IL1RAPL2: variants seen among roughly 807,000 people sequenced by gnomAD.
IL1RAPL2 encodes interleukin 1 receptor accessory protein like 2.
In IL1RAPL2, 3 loss-of-function variants were observed where a neutral mutation model predicts 44.1. The ratio of observed to expected loss-of-function variants is 0.07; its 90% confidence interval spans 0.03 to 0.18. IL1RAPL2 has a LOEUF of 0.18. Among genes scored for constraint, IL1RAPL2 ranks in the 10% least tolerant of loss-of-function variants. IL1RAPL2 has a pLI of 1.00. For missense variants in IL1RAPL2, 391 were observed against 496.4 expected (o/e 0.79, Z 2.02); for synonymous variants, 181 against 178.8 (o/e 1.01, Z -0.10).
At chrX:104,711,221 A>G (rs745627183) in intron 2 of IL1RAPL2, among the ~76,000 whole-genome samples, 8 of 111,723 alleles carry the variant, frequency 7.2e-5, no homozygotes, top group Non-Finnish European at 1.5e-4. Flanking sequence ...TATCTGTAGT[A>G]GGCTATAATC....
chrX:104,730,355 T>C (rs1031101999), intron 2 of IL1RAPL2, among the ~76,000 whole-genome samples: 60 of 84,989 alleles, frequency 7.1e-4, no homozygotes, highest in Admixed American at 3.8e-4. Flanking sequence ...GTGTATCTCC[T>C]AATGCTATCC....
intron 5 of IL1RAPL2, among the ~76,000 whole-genome samples, chrX:105,317,356 T>C (rs1338893372): frequency 9.0e-6 from 1 of 111,668 alleles, no homozygotes; most frequent in Admixed American, 9.5e-5. Flanking sequence ...TTGCATGGGG[T>C]TTTCGCTTTT....
chrX:105,283,565 G>A (rs1012501718), intron 5 of IL1RAPL2, among the ~76,000 whole-genome samples: 10 of 111,093 alleles, frequency 9.0e-5, no homozygotes, highest in African/African-American at 1.6e-4. Context: ...TGATTCCTGG[G>A]TTTTTGGTTT....
At chrX:104,892,224 A>G (rs1308554639) in intron 2 of IL1RAPL2, among the ~76,000 whole-genome samples, 2 of 111,610 alleles carry the variant, frequency 1.8e-5, no homozygotes, top group Non-Finnish European at 3.8e-5. Context: ...TTTTTGCATC[A>G]ATGTTCATCA....
chrX:105,723,237 A>G (rs371836884), intron 7 of IL1RAPL2, among the ~76,000 whole-genome samples: 6 of 111,547 alleles, frequency 5.4e-5, no homozygotes, highest in African/African-American at 2.0e-4. Context: ...TTGCCACTTT[A>G]TAACGAGGAT....
intron 2 of IL1RAPL2, among the ~76,000 whole-genome samples, chrX:105,136,395 G>T (rs1295637855): frequency 8.9e-6 from 1 of 111,983 alleles, no homozygotes; most frequent in African/African-American, 3.2e-5. Flanking sequence ...GCGAAAGGAT[G>T]CCATAAATAT....
At chrX:105,648,574 G>A (rs903340184) in intron 6 of IL1RAPL2, among the ~76,000 whole-genome samples, 2 of 111,466 alleles carry the variant, frequency 1.8e-5, no homozygotes, top group African/African-American at 3.3e-5. Flanking sequence ...TTCACAAAGT[G>A]AAGTGCTTTC....
At chrX:105,496,079 C>A (rs1345289329) in intron 6 of IL1RAPL2, among the ~76,000 whole-genome samples, 6 of 112,014 alleles carry the variant, frequency 5.4e-5, no homozygotes, top group Admixed American at 1.9e-4. Context: ...CTCCATAGCC[C>A]CTTATTGCGA....
chrX:105,284,101 A>G (rs761927993), intron 5 of IL1RAPL2, among the ~76,000 whole-genome samples: 3 of 111,846 alleles, frequency 2.7e-5, no homozygotes, highest in Non-Finnish European at 5.6e-5. Flanking sequence ...TATTTATGAT[A>G]TGTGCTGGGT....
At chrX:104,745,205 C>T (rs1217637233) in intron 2 of IL1RAPL2, among the ~76,000 whole-genome samples, 3 of 111,172 alleles carry the variant, frequency 2.7e-5, no homozygotes, top group African/African-American at 9.8e-5. Flanking sequence ...CCTTTACGTG[C>T]TTTATGCTGT....
chrX:105,525,383 T>A (rs1412833919), intron 6 of IL1RAPL2, among the ~76,000 whole-genome samples: 1 of 111,270 alleles, frequency 9.0e-6, no homozygotes, highest in Non-Finnish European at 1.9e-5. Context: ...CCTTTTAGTA[T>A]AAGGCTTTGA....
intron 2 of IL1RAPL2, among the ~76,000 whole-genome samples, chrX:104,803,614 G>A (rs1215370288): frequency 1.8e-5 from 2 of 112,437 alleles, no homozygotes; most frequent in African/African-American, 3.2e-5. Context: ...TGTAAGAAAT[G>A]TTGTTCTCCA....
At chrX:105,395,387 A>C (rs1190317462) in intron 5 of IL1RAPL2, among the ~76,000 whole-genome samples, 3 of 110,541 alleles carry the variant, frequency 2.7e-5, no homozygotes, top group Non-Finnish European at 5.7e-5. Flanking sequence ...ATTAAAAAAA[A>C]AGAAAAGAAG....
In IL1RAPL2 at chrX:105,187,385, TTATAA is replaced by T. The variant is rs782071552; in HGVS notation, c.83-8085_83-8081del. Among the ~76,000 whole-genome samples, 9 of 111,491 alleles carry T rather than the reference TTATAA, an allele frequency of 8.1e-5. No individual in the cohort carries two copies. In the East Asian group the frequency reaches 2.2e-3, roughly 28 times the overall value. ...TCATTAAAAAAATATTTAAATGGCC[TTATAA>T]TATATTCCACCATGTTGGCTTACTT... On this transcript the variant is annotated intron_variant, in intron 2 of 10. Transcript: ENST00000372582.
intron 5 of IL1RAPL2, among the ~76,000 whole-genome samples, chrX:105,465,515 G>C (rs1013136345): frequency 2.0e-4 from 22 of 111,580 alleles, no homozygotes; most frequent in African/African-American, 7.1e-4. Flanking sequence ...AGACAGACTT[G>C]CTTTTACCTT....
chrX:105,514,946 A>G (rs984794343), intron 6 of IL1RAPL2, among the ~76,000 whole-genome samples: 6 of 112,139 alleles, frequency 5.4e-5, no homozygotes, highest in Non-Finnish European at 9.4e-5. Flanking sequence ...GAAAAAAAAC[A>G]ACAAAAAACA....
chrX:104,570,214 CTG>C (rs1928119487), intron 1 of IL1RAPL2, among the ~76,000 whole-genome samples: 1 of 112,209 alleles, frequency 8.9e-6, no homozygotes, highest in South Asian at 3.7e-4. Context: ...CTTTTAATCT[CTG>C]AGAACTGTCC....
chrX:105,313,509 G>C (rs1767736456), intron 5 of IL1RAPL2, among the ~76,000 whole-genome samples: 1 of 111,210 alleles, frequency 9.0e-6, no homozygotes, highest in Admixed American at 9.6e-5. Context: ...GATGCATCTT[G>C]GTAAGAACAT....
chrX:105,220,970 A>AC (rs1556181322), intron 3 of IL1RAPL2, among the ~76,000 whole-genome samples: 1 of 110,540 alleles, frequency 9.0e-6, no homozygotes, highest in African/African-American at 3.3e-5. Flanking sequence ...GCTAGTAGGG[A>AC]CCCCCCTAGA....
Sources: allele counts gnomAD v4.1 joint callset (sites outside exome capture counted in the v4.1 genomes callset), GRCh38; gene constraint gnomAD v4.1.1; transcripts MANE v1.5; gene names NCBI Gene and HGNC (gene_info 2026-07-23, HGNC 2026-07-21).